Variants in ADAMTS12 observed in about 807,000 individuals in gnomAD.
ADAMTS12 encodes the protein ADAM metallopeptidase with thrombospondin type 1 motif 12.
In ADAMTS12, 118 loss-of-function variants were observed where a neutral mutation model predicts 167.8. That is an observed-to-expected ratio of 0.70 (90% CI 0.61 to 0.82). The LOEUF (loss-of-function observed/expected upper bound fraction) is 0.82. Ranked by LOEUF, ADAMTS12 falls within the 40% of genes least tolerant of loss-of-function variation. The probability of loss-of-function intolerance (pLI) is 0.00; values close to 1 mark genes in which losing one functional copy is unlikely to be tolerated. For synonymous variants in ADAMTS12, 704 were observed against 716.9 expected (o/e 0.98, Z 0.29); for missense variants, 1,916 against 1,998.8 (o/e 0.96, Z 0.79).
intron 16 of ADAMTS12, among the ~76,000 whole-genome samples, chr5:33,603,227 G>C (rs983410055): frequency 1.3e-5 from 2 of 152,180 alleles, no homozygotes; most frequent in Non-Finnish European, 2.9e-5. Flanking sequence ...CAGTACTAAG[G>C]CTGCAATGAG....
At position 33,774,599 on chromosome 5, in the gene ADAMTS12, G is replaced by A. The variant is rs183663655; in HGVS notation, c.490-23051C>T. ...CCTTTGATGAGAGTCCAGAGTCTGCGAAGTTAGAATTAACTCATAGAAGAT... is the reference window on the plus strand; with the variant it reads ...CCTTTGATGAGAGTCCAGAGTCTGCAAAGTTAGAATTAACTCATAGAAGAT... On this transcript the variant is annotated intron_variant, in intron 2 of 23. Coordinates refer to ENST00000504830, the MANE Select transcript of ADAMTS12 (RefSeq NM_030955.4). 2.6e-4 allele frequency among the ~76,000 whole-genome samples: 40 copies of A among 152,268 alleles called. 1 individual carries two copies. In the South Asian group the frequency reaches 2.9e-3, roughly 11 times the overall value.
chr5:33,614,313 C>A lies in ADAMTS12; in HGVS notation c.2452G>T (p.Asp818Tyr). The stretch of plus-strand genomic sequence containing the variant: ...TACATCTGCTGCTCAACATCATTGT[C>A]AAGGCCATCTTTCTGGATTGTGTAC... Reference protein sequence around the residue: ...YEYTIQKDGLDNDVEQQMYFW... With the variant: ...YEYTIQKDGLYNDVEQQMYFW... The change falls in exon 16 of 24, where the codon GAC (aspartate) becomes TAC (tyrosine). Residue 818 changes from aspartate to tyrosine, a missense_variant. By Grantham distance (160) the Asp-to-Tyr change is radical (BLOSUM62 -3). Transcript: ENST00000504830. The A allele has an allele frequency of 6.2e-7, 1 of 1,614,104 alleles. No individual in the cohort carries two copies. The highest frequency in any genetic ancestry group is 1.1e-5 in the South Asian group (1 of 91,080).
chr5:33,709,561 T>G (rs140640237), intron 3 of ADAMTS12, among the ~76,000 whole-genome samples: 4,455 of 152,236 alleles, frequency 0.029, 178 homozygotes, highest in East Asian at 0.17. Context: ...TGCAGGGACA[T>G]GGATGGAACT....
Position 33,560,667 on chromosome 5 carries a change from A to C in ADAMTS12, c.4125+360T>G, listed in dbSNP as rs112071827. On this transcript the variant is annotated intron_variant, in intron 20 of 23. Coordinates refer to ENST00000504830, the MANE Select transcript of ADAMTS12 (RefSeq NM_030955.4). ...ACCATTATTATCAGCAAACTATCAC[A>C]AGGAAAAAAACCAAACACCGCATGT... is the stretch of plus-strand genomic sequence containing the variant. Among the ~76,000 whole-genome samples, 110 of 151,520 alleles carry C rather than the reference A, an allele frequency of 7.3e-4. 1 individual carries two copies. The highest frequency in any genetic ancestry group is 2.5e-3 in the African/African-American group (104 of 41,322).
rs372400252 is a variant in ADAMTS12 at position 33,858,918 on chromosome 5, C to T, written c.489+22201G>A. On this transcript the variant is annotated intron_variant, in intron 2 of 23. Coordinates refer to ENST00000504830, the MANE Select transcript of ADAMTS12 (RefSeq NM_030955.4). ...GGGAAGCACAAGGGGTCAAGGAACT[C>T]CCTCCCTTAGCCAAGGGAAGCCGTG... 9.9e-5 allele frequency among the ~76,000 whole-genome samples: 15 copies of T among 152,152 alleles called. No homozygotes were observed. In the East Asian group the frequency reaches 2.3e-3, roughly 24 times the overall value.
At chr5:33,830,111 T>C (rs188320421) in intron 2 of ADAMTS12, among the ~76,000 whole-genome samples, 144 of 152,286 alleles carry the variant, frequency 9.5e-4, no homozygotes, top group African/African-American at 3.2e-3. Context: ...CTAGCTATGC[T>C]GTGGGCATGA....
In ADAMTS12 at chr5:33,595,809, C is replaced by G. The variant is rs140874483; in HGVS notation, c.2654+125G>C. The G allele has an allele frequency of 1.7e-3, 2,404 of 1,395,784 alleles. 9 individuals are homozygous for G. The highest frequency in any genetic ancestry group is 0.011 in the South Asian group (771 of 71,266). The allele number at this position is 1,395,784 out of a possible 1,614,324, so 86.5% of individuals were successfully genotyped here. ...GCATAGCCACAGAAAACTCTAACCG[C>G]GTTCTTGTATTTATCCAAATAACAA... On this transcript the variant is annotated intron_variant, in intron 17 of 23. Coordinates refer to ENST00000504830, the MANE Select transcript of ADAMTS12 (RefSeq NM_030955.4).
intron 2 of ADAMTS12, among the ~76,000 whole-genome samples, chr5:33,834,911 A>G (rs561805606): frequency 3.3e-5 from 5 of 152,320 alleles, no homozygotes; most frequent in African/African-American, 1.2e-4. Context: ...TATCCTTGAG[A>G]ATGGTGGAGT....
At chr5:33,568,166 C>A (rs1746110697) in intron 19 of ADAMTS12, among the ~76,000 whole-genome samples, 1 of 152,046 alleles carries the variant, frequency 6.6e-6, no homozygotes, top group Admixed American at 6.5e-5. Context: ...GTCATAAGAC[C>A]CATTCATCTC....
At chr5:33,735,332 C>T (rs183654971) in intron 3 of ADAMTS12, among the ~76,000 whole-genome samples, 22 of 152,224 alleles carry the variant, frequency 1.4e-4, no homozygotes, top group Middle Eastern at 3.4e-3. Flanking sequence ...GCTGCTGGTC[C>T]GGGGACTAAA....
At chr5:33,527,407 T>C in intron 23 of ADAMTS12, 41 bp from the exon 24 acceptor site, 1 of 1,593,890 alleles carries the variant, frequency 6.3e-7, no homozygotes, top group Non-Finnish European at 8.6e-7. Context: ...GTCCAAAGAT[T>C]ATCCTTTGTG....
chr5:33,719,626 G>A (rs1333041051), intron 3 of ADAMTS12, among the ~76,000 whole-genome samples: 1 of 152,148 alleles, frequency 6.6e-6, no homozygotes, highest in Non-Finnish European at 1.5e-5. Flanking sequence ...ATCTTAAGGG[G>A]GTTCATCCTG....
At chr5:33,549,858 T>C (rs1745168092) in intron 20 of ADAMTS12, among the ~76,000 whole-genome samples, 1 of 152,246 alleles carries the variant, frequency 6.6e-6, no homozygotes, top group African/African-American at 2.4e-5. Context: ...TCCTTCAGAA[T>C]ACTGGTTTTC....
At chr5:33,540,037 G>T (rs555798394) in intron 22 of ADAMTS12, among the ~76,000 whole-genome samples, 1 of 152,258 alleles carries the variant, frequency 6.6e-6, no homozygotes, top group Admixed American at 6.5e-5. Flanking sequence ...GGGGTTGGGG[G>T]ATTGCCCTTT....
At chr5:33,580,001 A>G (rs868487305) in intron 18 of ADAMTS12, among the ~76,000 whole-genome samples, 59 of 152,314 alleles carry the variant, frequency 3.9e-4, no homozygotes, top group African/African-American at 1.4e-3. Context: ...GATACTGTGG[A>G]GATCCACACA....
chr5:33,717,847 A>G (rs1743667879), intron 3 of ADAMTS12, among the ~76,000 whole-genome samples: 1 of 152,238 alleles, frequency 6.6e-6, no homozygotes, highest in Non-Finnish European at 1.5e-5. Context: ...AAACAAGTCA[A>G]TGTGAAGAAT....
intron 3 of ADAMTS12, among the ~76,000 whole-genome samples, chr5:33,708,822 G>C (rs1261009236): frequency 1.3e-5 from 2 of 152,050 alleles, no homozygotes; most frequent in African/African-American, 2.4e-5. Context: ...AAGAGGGATA[G>C]CATTAGGAGA....
intron 18 of ADAMTS12, among the ~76,000 whole-genome samples, chr5:33,584,582 T>A (rs1445353942): frequency 6.6e-6 from 1 of 152,188 alleles, no homozygotes; most frequent in African/African-American, 2.4e-5. Context: ...AAAACAGACT[T>A]TTGTCTTCTT....
chr5:33,640,873 ATATACT>A (rs60269064), intron 11 of ADAMTS12, among the ~76,000 whole-genome samples: 7,475 of 150,286 alleles, frequency 0.05, 622 homozygotes, highest in African/African-American at 0.17. Flanking sequence ...TCATATATAC[ATATACT>A]TATATTTAAA....
Sources: allele counts gnomAD v4.1 joint callset (sites outside exome capture counted in the v4.1 genomes callset), GRCh38; gene constraint gnomAD v4.1.1; transcripts MANE v1.5; gene names NCBI Gene and HGNC (gene_info 2026-07-23, HGNC 2026-07-21).